The following BRAF variants were observed in gnomAD, a reference collection of about 807,000 sequenced individuals.
The protein encoded by BRAF is serine/threonine-protein kinase B-raf.
A neutral mutation model predicts 104.6 loss-of-function variants in BRAF; 16 were observed. That is an observed-to-expected ratio of 0.15 (90% confidence interval 0.10 to 0.23). The LOEUF is 0.23. BRAF is among the 10% of genes least tolerant of loss of function. BRAF has a pLI of 1.00. For synonymous variants in BRAF, 310 were observed against 341.6 expected, an observed-to-expected ratio of 0.91 and a Z score of 1.02; for missense variants, 541 against 937.3, an observed-to-expected ratio of 0.58 and a Z score of 5.52.
chr7:140,889,821 G>A (rs1814012341), intron 1 of BRAF, among the ~76,000 whole-genome samples: 1 of 152,204 alleles, frequency 6.6e-6, no homozygotes, highest in Non-Finnish European at 1.5e-5. Flanking sequence ...ATAATCTCAT[G>A]AAAACAGATG....
intron 2 of BRAF, among the ~76,000 whole-genome samples, chr7:140,842,778 T>G (rs753283755): frequency 6.6e-6 from 1 of 152,210 alleles, no homozygotes; most frequent in Non-Finnish European, 1.5e-5. Context: ...GAGTACTGTA[T>G]CTCATATTTC....
At chr7:140,921,551 T>C (rs1416451242) in intron 1 of BRAF, among the ~76,000 whole-genome samples, 3 of 152,054 alleles carry the variant, frequency 2.0e-5, no homozygotes, top group Admixed American at 1.3e-4. Flanking sequence ...AATCACAGTA[T>C]GTCTAATAAT....
rs1282224178 is a variant in BRAF, at chr7:140,763,289, AC to A, written c.1815-9057del. ...GGGTGGCTGGCCGGGCGGGGGGCTGACCCCCCCCACCTCCCTCCTGGACAGG... is the reference window on the plus strand; with the variant it reads ...GGGTGGCTGGCCGGGCGGGGGGCTGACCCCCCCACCTCCCTCCTGGACAGG... On this transcript the variant is annotated intron_variant, in intron 14 of 19. Coordinates refer to ENST00000644969, the MANE Select transcript of BRAF (RefSeq NM_001374258.1). Among the ~76,000 whole-genome samples the A allele has an allele frequency of 4.1e-3, 525 of 128,708 alleles. 5 individuals carry two copies. Among genetic ancestry groups the A allele is most frequent in the African/African-American group, 0.015 (490 of 32,894 alleles). The allele number at this position is 128,708 out of a possible 152,430, so 84.4% of individuals were successfully genotyped here. A position where few individuals can be genotyped will look rare whatever the true frequency, so the allele number is the denominator to read the frequency against.
At chr7:140,741,464 A>C (rs1796908852) in intron 17 of BRAF, 1 of 152,210 alleles carries the variant, frequency 6.6e-6, no homozygotes, top group Non-Finnish European at 1.5e-5. Flanking sequence ...GGCCTAACTG[A>C]AAGGTAACCA....
chr7:140,886,024 CAG>C (rs930600891), intron 1 of BRAF, among the ~76,000 whole-genome samples: 1 of 152,122 alleles, frequency 6.6e-6, no homozygotes, highest in African/African-American at 2.4e-5. Context: ...AAATCTTCAA[CAG>C]AGTTTGGATT....
intron 1 of BRAF, among the ~76,000 whole-genome samples, chr7:140,858,136 T>C (rs980452774): frequency 1.3e-5 from 2 of 152,158 alleles, no homozygotes; most frequent in African/African-American, 4.8e-5. Flanking sequence ...ACAGGATACT[T>C]ACATAGTGCC....
downstream of BRAF, among the ~76,000 whole-genome samples, chr7:140,715,931 C>T (rs536319506): frequency 6.6e-6 from 1 of 152,306 alleles, no homozygotes; most frequent in South Asian, 2.1e-4. Context: ...CAAGCTCATA[C>T]CTGAGATTCA....
chr7:140,815,496 C>T (rs769408407), intron 3 of BRAF, among the ~76,000 whole-genome samples: 6 of 139,940 alleles, frequency 4.3e-5, no homozygotes, highest in African/African-American at 1.1e-4. Flanking sequence ...TGCAATGGTG[C>T]GACCTAGAAT....
At position 140,725,238 on chromosome 7, in the gene BRAF, CAA is replaced by C. The variant is rs1324699727; in HGVS notation, c.*1254_*1255del. 9.6e-7 allele frequency: 1 copy of C among 1,044,522 alleles called. No homozygotes were observed. Among genetic ancestry groups the C allele is most frequent in the Non-Finnish European group, 1.2e-6 (1 of 866,072 alleles). The allele number at this position is 1,044,522 out of a possible 1,614,324, so 64.7% of individuals were successfully genotyped here. ...AGTGTTAGGAATCAGTTGGAAGAAACAATGAGATTATTAGCAAAGATGTTAGT... is the reference window on the plus strand; with the variant it reads ...AGTGTTAGGAATCAGTTGGAAGAAACTGAGATTATTAGCAAAGATGTTAGT... On this transcript the variant is annotated 3_prime_UTR_variant, in exon 20 of 20. Coordinates refer to ENST00000644969, the MANE Select transcript of BRAF (RefSeq NM_001374258.1).
At chr7:140,846,137 A>G (rs1366870579) in intron 2 of BRAF, among the ~76,000 whole-genome samples, 1 of 152,136 alleles carries the variant, frequency 6.6e-6, no homozygotes, top group African/African-American at 2.4e-5. Flanking sequence ...TCACCATGTG[A>G]TCCTGCAATT....
chr7:140,742,677 C>T (rs1168967974), intron 17 of BRAF, among the ~76,000 whole-genome samples: 2 of 152,158 alleles, frequency 1.3e-5, no homozygotes, highest in African/African-American at 4.8e-5. Flanking sequence ...GACTTCATGT[C>T]TAAAACACCA....
intron 13 of BRAF, 49 bp downstream of exon 12, chr7:140,777,942 A>C: frequency 6.4e-7 from 1 of 1,555,640 alleles, no homozygotes; most frequent in Non-Finnish European, 8.9e-7. Flanking sequence ...ACCAGGAGCT[A>C]ATAAAAATAA....
intron 1 of BRAF, among the ~76,000 whole-genome samples, chr7:140,877,377 A>G (rs1812390583): frequency 6.6e-6 from 1 of 151,892 alleles, no homozygotes; most frequent in African/African-American, 2.4e-5. Flanking sequence ...AGCCTCCCAA[A>G]TAGCTGGAAT....
rs529070730 is a variant in BRAF, at chr7:140,720,771, C to G, written c.*5723G>C. 2.4e-5 allele frequency: 26 copies of G among 1,065,822 alleles called. No homozygotes were observed. The East Asian group carries it at 1.1e-3, about 47-fold the overall frequency. The allele number at this position is 1,065,822 out of a possible 1,614,324, so 66.0% of individuals were successfully genotyped here. A position where few individuals can be genotyped will look rare whatever the true frequency, so the allele number is the denominator to read the frequency against. On this transcript the variant is annotated 3_prime_UTR_variant, in exon 20 of 20. Transcript: ENST00000644969. ...CCAACTCATACTCCACCAAAACACA[C>G]GTGGGTTCAAAAACTTAACACAAAA...
At chr7:140,840,767 G>C (rs940318537) in intron 2 of BRAF, among the ~76,000 whole-genome samples, 2 of 151,008 alleles carry the variant, frequency 1.3e-5, no homozygotes, top group African/African-American at 4.9e-5. Context: ...TTCCAGCCTG[G>C]GTGACTCTGC....
chr7:140,719,489 A>G lies in BRAF; in HGVS notation c.*7005T>C. ...TTTCAGCTATCTTTTTTTATTCTCC[A>G]TGCTTTCTATCCAAACTGAACAATA... On this transcript the variant is annotated 3_prime_UTR_variant, in exon 20 of 20. Transcript: ENST00000644969. The G allele has an allele frequency of 2.0e-6, 2 of 1,022,830 alleles. No homozygotes were observed. Among genetic ancestry groups the G allele is most frequent in the Non-Finnish European group, 2.4e-6 (2 of 846,430 alleles). 63.4% of individuals were successfully genotyped at this position (1,022,830 alleles called of 1,614,324 possible).
intron 1 of BRAF, among the ~76,000 whole-genome samples, chr7:140,855,757 T>C (rs1012921118): frequency 2.6e-5 from 4 of 151,984 alleles, no homozygotes; most frequent in Non-Finnish European, 5.9e-5. Context: ...CAATGGCTCA[T>C]TCCTGTAATC....
intron 2 of BRAF, among the ~76,000 whole-genome samples, chr7:140,847,518 G>C (rs986187937): frequency 6.6e-6 from 1 of 152,000 alleles, no homozygotes; most frequent in African/African-American, 2.4e-5. Flanking sequence ...GGGAGGTGGA[G>C]GTTGCAGTGA....
intron 1 of BRAF, among the ~76,000 whole-genome samples, chr7:140,878,805 A>C (rs951191418): frequency 7.2e-5 from 11 of 152,204 alleles, no homozygotes; most frequent in Admixed American, 7.2e-4. Flanking sequence ...CCTTGACTTC[A>C]GCATTGCGCA....
Sources: gnomAD v4.1 joint callset for allele counts (sites outside exome capture counted in the v4.1 genomes callset) on GRCh38, gnomAD v4.1.1 for gene constraint, MANE v1.5 for transcripts, NCBI Gene and HGNC (gene_info 2026-07-23, HGNC 2026-07-21) for gene names.